Variants in DYM observed in about 807,000 individuals in gnomAD.
DYM encodes the protein dyggve-Melchior-Clausen syndrome protein.
Under a neutral mutation model 93.1 loss-of-function variants are expected in DYM, and 78 were observed. The observed-to-expected ratio is 0.84, with a 90% CI of 0.70 to 1.01. DYM has a LOEUF of 1.01. Among genes scored for constraint, DYM ranks in the 50% least tolerant of loss-of-function variants. DYM has a pLI of 0.00. For synonymous variants in DYM, 321 were observed against 319.7 expected (o/e 1.00, Z -0.04); for missense variants, 789 against 845.0 (o/e 0.93, Z 0.82).
intron 17 of DYM, among the ~76,000 whole-genome samples, chr18:49,054,859 C>T (rs890233221): frequency 6.6e-6 from 1 of 152,150 alleles, no homozygotes; most frequent in African/African-American, 2.4e-5. Flanking sequence ...CGAAAAGACT[C>T]TTCGGGAAAA....
chr18:49,193,306 AT>A (rs1042492363), intron 14 of DYM, among the ~76,000 whole-genome samples: 5 of 152,184 alleles, frequency 3.3e-5, no homozygotes, highest in African/African-American at 7.2e-5. Context: ...AAAAAAAAAA[AT>A]ATTTTGTATG....
chr18:49,292,343 G>GACACACAC (rs1445437474), intron 8 of DYM, among the ~76,000 whole-genome samples: 1 of 95,070 alleles, frequency 1.1e-5, no homozygotes, highest in East Asian at 2.8e-4. Flanking sequence ...CAGGCAGACA[G>GACACACAC]ACAGACAGAC....
chr18:49,314,796 T>G lies in DYM; in HGVS notation c.763+17068A>C, dbSNP rs186593279. Among the ~76,000 whole-genome samples, 384 of 152,206 alleles carry G rather than the reference T, an allele frequency of 2.5e-3. 2 individuals carry two copies. Among genetic ancestry groups the G allele is most frequent in the Non-Finnish European group, 4.7e-3 (321 of 67,938 alleles). ...GAATTCAGACATTCATATCGTATGATTGGCTTCTGTACATCTCTGGAAGTT... is the reference window on the plus strand; with the variant it reads ...GAATTCAGACATTCATATCGTATGAGTGGCTTCTGTACATCTCTGGAAGTT... On this transcript the variant is annotated intron_variant, in intron 8 of 17. Coordinates refer to ENST00000675505, the MANE Select transcript of DYM (RefSeq NM_001353214.3).
At chr18:49,386,163 AT>A (rs1238655178) in intron 3 of DYM, among the ~76,000 whole-genome samples, 11 of 152,164 alleles carry the variant, frequency 7.2e-5, no homozygotes, top group African/African-American at 2.7e-4. Context: ...GCAGGAAAAA[AT>A]TTCTCATGAT....
intron 6 of DYM, among the ~76,000 whole-genome samples, chr18:49,356,480 A>C (rs2065576283): frequency 6.6e-6 from 1 of 152,136 alleles, no homozygotes; most frequent in Admixed American, 6.6e-5. Flanking sequence ...AACACCTAAA[A>C]CTTAAAATAC....
chr18:49,384,232 G>A (rs1327276844), intron 3 of DYM, among the ~76,000 whole-genome samples: 2 of 148,818 alleles, frequency 1.3e-5, no homozygotes, highest in African/African-American at 2.5e-5. Context: ...CCAGGCAGGA[G>A]GATTGCTTGA....
chr18:49,389,596 G>C (rs527706290), intron 3 of DYM, among the ~76,000 whole-genome samples: 1 of 152,116 alleles, frequency 6.6e-6, no homozygotes, highest in African/African-American at 2.4e-5. Flanking sequence ...TCCTGGGCTC[G>C]ATCAATCCTC....
At chr18:49,215,761 A>C (rs1282639311) in intron 13 of DYM, among the ~76,000 whole-genome samples, 1 of 152,230 alleles carries the variant, frequency 6.6e-6, no homozygotes, top group Non-Finnish European at 1.5e-5. Flanking sequence ...CTACACAAAG[A>C]AGCTGGCAGC....
At chr18:49,426,755 ATGTGTGTGTGTGTGTGTG>A (rs59381977) in intron 2 of DYM, among the ~76,000 whole-genome samples, 1 of 147,692 alleles carries the variant, frequency 6.8e-6, no homozygotes, top group Non-Finnish European at 1.5e-5. Context: ...ACTGGAAAAC[ATGTGTGTGTGTGTGTGTG>A]TGTGTGTGTG....
intron 11 of DYM, among the ~76,000 whole-genome samples, chr18:49,265,193 A>G (rs1444188259): frequency 6.6e-6 from 1 of 152,196 alleles, no homozygotes; most frequent in Non-Finnish European, 1.5e-5. Context: ...GCCCACAGTC[A>G]TAGGTGTACT....
At chr18:49,092,789 G>C (rs1042251788) in intron 17 of DYM, among the ~76,000 whole-genome samples, 4 of 152,168 alleles carry the variant, frequency 2.6e-5, no homozygotes, top group Non-Finnish European at 5.9e-5. Context: ...GTGGTAGAAG[G>C]AGAAGGGCCA....
intron 6 of DYM, among the ~76,000 whole-genome samples, chr18:49,338,820 T>A (rs2063860846): frequency 6.6e-6 from 1 of 152,168 alleles, no homozygotes; most frequent in African/African-American, 2.4e-5. Context: ...GTACAATAAG[T>A]TTGTAACATA....
intron 11 of DYM, among the ~76,000 whole-genome samples, chr18:49,270,308 G>C (rs1363089388): frequency 6.6e-6 from 1 of 152,206 alleles, no homozygotes; most frequent in Non-Finnish European, 1.5e-5. Flanking sequence ...ACCTAGAGGA[G>C]ATTATTCTAA....
chr18:49,357,994 T>G (rs936643448), intron 6 of DYM, among the ~76,000 whole-genome samples: 2 of 151,786 alleles, frequency 1.3e-5, no homozygotes, highest in African/African-American at 2.4e-5. Flanking sequence ...AAAAATAATT[T>G]TAAAAATTAG....
At chr18:49,091,616 T>C (rs1444952219) in intron 17 of DYM, among the ~76,000 whole-genome samples, 2 of 152,182 alleles carry the variant, frequency 1.3e-5, no homozygotes, top group Admixed American at 6.5e-5. Context: ...CCCAGCCCCA[T>C]AGATTCTAAT....
At chr18:49,302,848 C>G (rs1250513851) in intron 8 of DYM, among the ~76,000 whole-genome samples, 1 of 152,200 alleles carries the variant, frequency 6.6e-6, no homozygotes, top group Non-Finnish European at 1.5e-5. Context: ...AACCACCAGG[C>G]CATGCCTCTC....
At chr18:49,213,182 C>A (rs952929570) in intron 13 of DYM, among the ~76,000 whole-genome samples, 30 of 152,066 alleles carry the variant, frequency 2.0e-4, no homozygotes, top group African/African-American at 7.2e-4. Context: ...TGACAAAAAC[C>A]ACAAGCAAAA....
rs530453268 is a variant in DYM at position 49,337,842 on chromosome 18, C to T, written c.495-3989G>A. On this transcript the variant is annotated intron_variant, in intron 6 of 17. Coordinates refer to ENST00000675505, the MANE Select transcript of DYM (RefSeq NM_001353214.3). ...ACAAAGATGATGATATTTGAGCAGA[C>T]GAAGAACAAGAAGAAGGGGAAGGGC... Among the ~76,000 whole-genome samples the T allele has an allele frequency of 9.9e-5, 15 of 151,912 alleles. No individual in the cohort carries two copies. The East Asian group carries it at 1.4e-3, about 14-fold the overall frequency.
In DYM at chr18:49,286,487, G is replaced by A; in HGVS notation, c.893C>T (p.Ser298Leu). The change falls in exon 9 of 18, where the codon TCA (serine) becomes TTA (leucine). Residue 298 changes from serine (S) to leucine (L), a missense_variant. Ser to Leu is a moderately radical substitution (Grantham distance 145). Around this residue, in one of 3 missense-constraint regions of DYM, gnomAD observed 450 missense variants for 436.2 expected, o/e 1.03. Coordinates refer to ENST00000675505, the MANE Select transcript of DYM (RefSeq NM_001353214.3). ...TTGTCTGTAGGGGTTTGGCGCATCT[G>A]AGGCATCTGTCAGATTGGCCAACAC... is the stretch of plus-strand genomic sequence containing the variant. ...LLVLANLTDA[S>L]DAPNPYRQAI... The A allele has an allele frequency of 6.2e-7, 1 of 1,614,168 alleles. No homozygotes were observed.
Sources: gnomAD v4.1 joint callset for allele counts (sites outside exome capture counted in the v4.1 genomes callset) on GRCh38, gnomAD v4.1.1 for gene constraint, gnomAD v4.1.1 regional missense constraint, MANE v1.5 for transcripts, NCBI Gene and HGNC (gene_info 2026-07-23, HGNC 2026-07-21) for gene names.